The following PPP4R4 variants were observed in gnomAD, a reference collection of about 807,000 sequenced individuals.
PPP4R4 encodes serine/threonine-protein phosphatase 4 regulatory subunit 4.
In PPP4R4, 70 loss-of-function variants were observed where a neutral mutation model predicts 121.8. The observed-to-expected ratio is 0.57, with a 90% confidence interval of 0.47 to 0.70. The LOEUF is 0.70. Among genes scored for constraint, PPP4R4 ranks in the 30% least tolerant of loss-of-function variants. The pLI is 0.00. For synonymous variants in PPP4R4, 348 were observed against 355.7 expected, an observed-to-expected ratio of 0.98 and a Z score of 0.24; for missense variants, 875 against 1,033.6, an observed-to-expected ratio of 0.85 and a Z score of 2.10.
intron 2 of PPP4R4, among the ~76,000 whole-genome samples, chr14:94,207,179 T>C (rs1316578957): frequency 6.6e-6 from 1 of 152,062 alleles, no homozygotes; most frequent in Non-Finnish European, 1.5e-5. Context: ...TGTAGACATA[T>C]CTTTTAGGGG....
intron 3 of PPP4R4, among the ~76,000 whole-genome samples, chr14:94,223,148 T>C (rs1235827407): frequency 6.6e-6 from 1 of 152,212 alleles, no homozygotes; most frequent in African/African-American, 2.4e-5. Context: ...GAACCATGTA[T>C]GTATCATATA....
chr14:94,273,283 A>G (rs1172681763), intron 23 of PPP4R4, among the ~76,000 whole-genome samples: 1 of 152,190 alleles, frequency 6.6e-6, no homozygotes, highest in African/African-American at 2.4e-5. Flanking sequence ...AGACAGTGGA[A>G]TATTATGCAG....
intron 2 of PPP4R4, among the ~76,000 whole-genome samples, chr14:94,199,692 T>TAGCAGCCCGCGCTCTCCTC (rs1890068637): frequency 6.6e-6 from 1 of 152,074 alleles, no homozygotes; most frequent in Non-Finnish European, 1.5e-5. Flanking sequence ...TCGGGCTGCT[T>TAGCAGCCCGCGCTCTCCTC]AGCAGCCCGC....
At chr14:94,271,162 C>G (rs1417994607) in intron 23 of PPP4R4, among the ~76,000 whole-genome samples, 3 of 152,114 alleles carry the variant, frequency 2.0e-5, no homozygotes, top group Non-Finnish European at 4.4e-5. Flanking sequence ...GGAATACACC[C>G]TAACTCATTC....
At chr14:94,207,665 A>G (rs1890529917) in intron 2 of PPP4R4, among the ~76,000 whole-genome samples, 1 of 151,670 alleles carries the variant, frequency 6.6e-6, no homozygotes, top group Non-Finnish European at 1.5e-5. Context: ...AGGTGATGCC[A>G]TGTTTATTAG....
At chr14:94,243,177 T>A (rs1892720336) in intron 11 of PPP4R4, among the ~76,000 whole-genome samples, 2 of 152,062 alleles carry the variant, frequency 1.3e-5, no homozygotes, top group South Asian at 4.1e-4. Context: ...TTGCTTAGAT[T>A]TTTTTTTGGC....
chr14:94,237,199 G>T (rs1239767043), intron 7 of PPP4R4, among the ~76,000 whole-genome samples: 2 of 152,022 alleles, frequency 1.3e-5, no homozygotes, highest in African/African-American at 4.8e-5. Context: ...TATTATTTAG[G>T]TTTCTGCAGT....
chr14:94,235,388 CTTTTTTTTTTTTTTT>C (rs34881107), intron 7 of PPP4R4, among the ~76,000 whole-genome samples: 11 of 50,812 alleles, frequency 2.2e-4, no homozygotes, highest in South Asian at 7.8e-4. Flanking sequence ...TCTCCTTGTT[CTTTTTTTTTTTTTTT>C]TTTTTTTTTT....
chr14:94,218,726 C>T (rs1891206146), intron 3 of PPP4R4, among the ~76,000 whole-genome samples: 1 of 138,730 alleles, frequency 7.2e-6, no homozygotes, highest in African/African-American at 2.7e-5. Context: ...CACCCCTAGA[C>T]ACCGCACGTG....
chr14:94,218,550 A>G (rs563570034), intron 3 of PPP4R4, among the ~76,000 whole-genome samples: 9 of 100,716 alleles, frequency 8.9e-5, no homozygotes, highest in East Asian at 7.0e-4. Flanking sequence ...GCGCGCGCGC[A>G]CACACACACA....
At position 94,278,395 on chromosome 14, in the gene PPP4R4, G is replaced by C. The variant is rs1169641891; in HGVS notation, c.2598-224G>C. ...TGTTATATATATACACAGAATTTTTGGTAATTAAAGATCATTCCAAGTAAT... is the reference window on the plus strand; with the variant it reads ...TGTTATATATATACACAGAATTTTTCGTAATTAAAGATCATTCCAAGTAAT... On this transcript the variant is annotated intron_variant, in intron 24 of 24. Transcript: ENST00000304338. Among the ~76,000 whole-genome samples the C allele has an allele frequency of 4.6e-5, 7 of 151,926 alleles. No individual in the cohort carries two copies. The East Asian group carries it at 1.4e-3, about 29-fold the overall frequency.
intron 9 of PPP4R4, 115 bp from the exon 10 acceptor site, chr14:94,241,673 G>T: frequency 1.3e-6 from 1 of 746,932 alleles, no homozygotes; most frequent in South Asian, 2.1e-5. Context: ...TAAAGTATCT[G>T]TAACCATTTA....
At chr14:94,185,817 T>G (rs577037014) in intron 2 of PPP4R4, among the ~76,000 whole-genome samples, 2 of 152,334 alleles carry the variant, frequency 1.3e-5, no homozygotes, top group South Asian at 2.1e-4. Flanking sequence ...ATAACTTTAT[T>G]GAAGTATAAT....
At chr14:94,269,547 G>A (rs189006883) in intron 23 of PPP4R4, among the ~76,000 whole-genome samples, 53 of 151,876 alleles carry the variant, frequency 3.5e-4, no homozygotes, top group Non-Finnish European at 7.4e-5. Flanking sequence ...CGGGCGTGGC[G>A]TCAGGCGCCT....
At chr14:94,192,776 T>TAAAC (rs1463178079) in intron 2 of PPP4R4, among the ~76,000 whole-genome samples, 7 of 152,178 alleles carry the variant, frequency 4.6e-5, no homozygotes, top group African/African-American at 1.7e-4. Flanking sequence ...CTCTCTTGTC[T>TAAAC]AAGTGGTTTA....
intron 2 of PPP4R4, among the ~76,000 whole-genome samples, chr14:94,180,605 T>C (rs1159108570): frequency 6.6e-6 from 1 of 150,990 alleles, no homozygotes; most frequent in African/African-American, 2.4e-5. Context: ...CTTTTTTTTT[T>C]TTTTTTTTCT....
intron 14 of PPP4R4, among the ~76,000 whole-genome samples, chr14:94,246,792 T>C (rs939526847): frequency 6.6e-5 from 10 of 152,288 alleles, no homozygotes; most frequent in Admixed American, 1.3e-4. Flanking sequence ...CCTTTGTTTA[T>C]ATACTGCCAA....
chr14:94,265,507 A>T, intron 21 of PPP4R4, 34 bp downstream of exon 21: 5 of 1,535,850 alleles, frequency 3.3e-6, no homozygotes, highest in Non-Finnish European at 3.6e-6. Context: ...TCTTTTTGTA[A>T]TTTTTCTTCC....
In PPP4R4 at chr14:94,244,716, A is replaced by G. The variant is rs1566685677; in HGVS notation, c.1344+4A>G. 1.3e-6 allele frequency: 2 copies of G among 1,489,150 alleles called. No homozygotes were observed. Among genetic ancestry groups the G allele is most frequent in the Non-Finnish European group, 1.8e-6 (2 of 1,103,438 alleles). The allele number at this position is 1,489,150 out of a possible 1,614,324, so 92.2% of individuals were successfully genotyped here. A position where few individuals can be genotyped will look rare whatever the true frequency, so the allele number is the denominator to read the frequency against. On this transcript the variant is annotated splice_donor_region_variant and intron_variant, in intron 12 of 24. Coordinates refer to ENST00000304338, the MANE Select transcript of PPP4R4 (RefSeq NM_058237.2). ...ATTACAAGATGAATCACTGGAGGTA[A>G]TATTTTCTTACTCTTTGATTTTTAA... is the stretch of plus-strand genomic sequence containing the variant.
Sources: gnomAD v4.1 joint callset for allele counts (sites outside exome capture counted in the v4.1 genomes callset) on GRCh38, gnomAD v4.1.1 for gene constraint, MANE v1.5 for transcripts, NCBI Gene and HGNC (gene_info 2026-07-23, HGNC 2026-07-21) for gene names.